The following B4GALNT2 variants were observed in gnomAD, a reference collection of about 807,000 sequenced individuals.
B4GALNT2 encodes N-acetylneuraminylgalactosylglucosyl-glucoside beta-1,4-N- acetylgalactosaminyltransferase 2.
In B4GALNT2, 42 loss-of-function variants were observed where a neutral mutation model predicts 51.1. The ratio of observed to expected loss-of-function variants is 0.82; its 90% CI spans 0.64 to 1.06. The LOEUF (loss-of-function observed/expected upper bound fraction) is 1.06, where lower values mean the gene tolerates loss of function less well. Ranked by LOEUF, B4GALNT2 falls within the 50% of genes least tolerant of loss-of-function variation. B4GALNT2 has a pLI of 0.00. For missense variants in B4GALNT2, 602 were observed against 633.6 expected (o/e 0.95, Z 0.54); for synonymous variants, 253 against 251.7 (o/e 1.01, Z -0.05).
At chr17:49,124,292 T>C in the B4GALNT2 span, among the ~76,000 whole-genome samples, 1 of 152,194 alleles carries the variant, frequency 6.6e-6, no homozygotes. Context: ...TATTCTGATG[T>C]CACAATCTCC....
intron 5 of B4GALNT2, among the ~76,000 whole-genome samples, chr17:49,157,421 A>G (rs1015488683): frequency 1.4e-5 from 2 of 147,418 alleles, no homozygotes; most frequent in African/African-American, 2.5e-5. Context: ...CCCGAGTTCA[A>G]TCGAGTCTCC....
the B4GALNT2 span, among the ~76,000 whole-genome samples, chr17:49,125,309 G>A: frequency 8.5e-5 from 13 of 152,168 alleles, no homozygotes; most frequent in East Asian, 1.7e-3. Flanking sequence ...ACAGGCGAGC[G>A]CCACCATTCC....
chr17:49,153,273 G>A (rs145711960), intron 4 of B4GALNT2, among the ~76,000 whole-genome samples: 130 of 152,194 alleles, frequency 8.5e-4, no homozygotes, highest in Non-Finnish European at 1.4e-3. Context: ...AAATTAGCTG[G>A]ATGTGGCGGT....
Position 49,171,052 on chromosome 17 carries a change from G to A in B4GALNT2, c.*1324G>A, listed in dbSNP as rs7220799. On this transcript the variant is annotated 3_prime_UTR_variant, in exon 11 of 11. Transcript: ENST00000393354. Reference sequence around the variant, plus strand: ...TGATAAACCCACAACCTTCAGTTTGGGCATCATGGCCATCATGAACATGTC... The same window carrying A: ...TGATAAACCCACAACCTTCAGTTTGAGCATCATGGCCATCATGAACATGTC... 2,131 of 162,362 alleles carry A rather than the reference G, an allele frequency of 0.013. 83 individuals carry two copies. Among genetic ancestry groups the A allele is most frequent in the African/African-American group, 0.049 (2,028 of 41,568 alleles). 10.1% of individuals were successfully genotyped at this position (162,362 alleles called of 1,614,324 possible). A position where few individuals can be genotyped will look rare whatever the true frequency, so the allele number is the denominator to read the frequency against.
Position 49,146,588 on chromosome 17 carries a change from G to C in B4GALNT2, c.353+4416G>C, listed in dbSNP as rs1279900732. Among the ~76,000 whole-genome samples the C allele has an allele frequency of 2.0e-5, 3 of 152,218 alleles. No homozygotes were observed. The East Asian group carries it at 5.8e-4, about 29-fold the overall frequency. ...GGCCTCCCAAAGTGCTGGGATTACA[G>C]GCGTGAGCCACCATGCCTGGCCCAA... On this transcript the variant is annotated intron_variant, in intron 3 of 10. Coordinates refer to ENST00000393354, the MANE Select transcript of B4GALNT2 (RefSeq NM_001159387.2).
intron 1 of B4GALNT2, among the ~76,000 whole-genome samples, chr17:49,135,122 G>A (rs1382032202): frequency 6.6e-6 from 1 of 151,308 alleles, no homozygotes; most frequent in Non-Finnish European, 1.5e-5. Context: ...TAGTTTAAAT[G>A]TATTTATTTT....
the B4GALNT2 span, among the ~76,000 whole-genome samples, chr17:49,126,132 A>C: frequency 2.0e-5 from 3 of 152,072 alleles, no homozygotes; most frequent in Admixed American, 6.6e-5. Flanking sequence ...GACATGGGAA[A>C]CTTTTCATTT....
chr17:49,158,193 G>A lies in B4GALNT2; in HGVS notation c.499-844G>A, dbSNP rs2042828051. On this transcript the variant is annotated intron_variant, in intron 5 of 10. Transcript: ENST00000393354. ...GGAGGTGCCATCCACAAGGCAGAGG[G>A]AATGGAGGTGAGGGTGGGAGGAAAC... is the stretch of plus-strand genomic sequence containing the variant. Among the ~76,000 whole-genome samples, 4 of 152,276 alleles carry A rather than the reference G, an allele frequency of 2.6e-5. No homozygotes were observed. In the South Asian group the frequency reaches 8.3e-4, roughly 32 times the overall value.
chr17:49,124,861 C>T, the B4GALNT2 span, among the ~76,000 whole-genome samples: 2 of 152,102 alleles, frequency 1.3e-5, no homozygotes, highest in African/African-American at 4.8e-5. Context: ...TATTTTAATG[C>T]TCAATTTACA....
At chr17:49,157,457 A>G (rs1268419748) in intron 5 of B4GALNT2, among the ~76,000 whole-genome samples, 1 of 152,042 alleles carries the variant, frequency 6.6e-6, no homozygotes, top group Non-Finnish European at 1.5e-5. Flanking sequence ...AGTAGCTGGG[A>G]CTACAGGCAT....
chr17:49,152,783 T>G lies in B4GALNT2; in HGVS notation c.354-17T>G. On this transcript the variant is annotated splice_polypyrimidine_tract_variant and intron_variant, in intron 3 of 10. Coordinates refer to ENST00000393354, the MANE Select transcript of B4GALNT2 (RefSeq NM_001159387.2). Reference sequence around the variant, plus strand: ...GCATCAGGGCAGCTGCTGACGTTTCTGTTCTCCTTCCTGCAGAGAAGGGCT... The same window carrying G: ...GCATCAGGGCAGCTGCTGACGTTTCGGTTCTCCTTCCTGCAGAGAAGGGCT... The G allele has an allele frequency of 6.4e-7, 1 of 1,555,308 alleles. No homozygotes were observed. Among genetic ancestry groups the G allele is most frequent in the Non-Finnish European group, 8.7e-7 (1 of 1,145,006 alleles).
chr17:49,136,296 C>T (rs1310006454), intron 1 of B4GALNT2, among the ~76,000 whole-genome samples: 1 of 151,496 alleles, frequency 6.6e-6, no homozygotes, highest in Non-Finnish European at 1.5e-5. Flanking sequence ...AAAATTAATT[C>T]TTGATCATTA....
Position 49,156,586 on chromosome 17 carries a change from G to A in B4GALNT2, c.481G>A (p.Asp161Asn), listed in dbSNP as rs776879040. The A allele has an allele frequency of 1.1e-5, 17 of 1,613,530 alleles. No individual in the cohort carries two copies. In the South Asian group the frequency reaches 1.3e-4, roughly 13 times the overall value. Residue 161 changes from aspartate (D) to asparagine (N), a missense_variant, in exon 5 of 11, where the codon GAT becomes AAT. Coordinates refer to ENST00000393354, the MANE Select transcript of B4GALNT2 (RefSeq NM_001159387.2). ...PIPGLQFEGP[D>N]APVYEVTLTA... Reference sequence around the variant, plus strand: ...TCCAGGCCTCCAGTTTGAAGGACCCGATGCCCCCGTCTATGAGGTGAGTCC... The same window carrying A: ...TCCAGGCCTCCAGTTTGAAGGACCCAATGCCCCCGTCTATGAGGTGAGTCC...
At position 49,173,898 on chromosome 17, in the gene B4GALNT2, C is replaced by G. The variant is rs1414166198; in HGVS notation, c.*4170C>G. The G allele has an allele frequency of 6.6e-6, 1 of 152,168 alleles. No individual in the cohort carries two copies. Among genetic ancestry groups the G allele is most frequent in the East Asian group, 1.9e-4 (1 of 5,196 alleles). The allele number at this position is 152,168 out of a possible 1,614,324, so 9.4% of individuals were successfully genotyped here. On this transcript the variant is annotated 3_prime_UTR_variant, in exon 11 of 11. Coordinates refer to ENST00000393354, the MANE Select transcript of B4GALNT2 (RefSeq NM_001159387.2). ...GGACTTGCTTTTTGATGAGCTGCAG[C>G]TCTGCATCAGCTTCTTTTGTTAATT...
At chr17:49,154,072 C>T (rs911748209) in intron 4 of B4GALNT2, among the ~76,000 whole-genome samples, 9 of 151,530 alleles carry the variant, frequency 5.9e-5, no homozygotes, top group Admixed American at 4.6e-4. Flanking sequence ...GGCATGATCT[C>T]GGCTCACTGC....
In B4GALNT2 at chr17:49,146,995, T is replaced by C. The variant is rs189993645; in HGVS notation, c.353+4823T>C. Among the ~76,000 whole-genome samples, 16 of 152,352 alleles carry C rather than the reference T, an allele frequency of 1.1e-4. No individual in the cohort carries two copies. The East Asian group carries it at 3.1e-3, about 29-fold the overall frequency. On this transcript the variant is annotated intron_variant, in intron 3 of 10. Transcript: ENST00000393354. Reference sequence around the variant, plus strand: ...AAGCTATATAAATCTCTGGAGTATATACAGGAGATGTTTCTTAATTTACAT... The same window carrying C: ...AAGCTATATAAATCTCTGGAGTATACACAGGAGATGTTTCTTAATTTACAT...
At chr17:49,169,027 C>G (rs532015555) in intron 10 of B4GALNT2, 127 bp downstream of exon 10, 2 of 905,662 alleles carry the variant, frequency 2.2e-6, no homozygotes, top group Non-Finnish European at 3.3e-6. Context: ...CATCCCTTTC[C>G]CCTTTCCCCT....
rs2042944155 is a variant in B4GALNT2 at position 49,169,665 on chromosome 17, C to T, written c.1458C>T (p.Leu486=). 1 of 1,608,564 alleles carries T rather than the reference C, an allele frequency of 6.2e-7. No homozygotes were observed. Among genetic ancestry groups the T allele is most frequent in the Non-Finnish European group, 8.5e-7 (1 of 1,176,352 alleles). ...KTYNTYRSNT[L]TRVQFKLALH... ...ACAATACATACCGGTCCAACACCCT[C>T]ACCCGGGTCCAGTTCAAGCTGGCCC... The change falls in exon 11 of 11, where the codon CTC becomes CTT. Residue 486 remains leucine (L), a synonymous_variant. Transcript: ENST00000393354.
Position 49,169,839 on chromosome 17 carries a change from T to A in B4GALNT2, c.*111T>A. ...ACGTTGTACCAAACCAGCTGGTGGGTAGGGAAAAGGGAAATGGCTCAGTTA... is the reference window on the plus strand; with the variant it reads ...ACGTTGTACCAAACCAGCTGGTGGGAAGGGAAAAGGGAAATGGCTCAGTTA... On this transcript the variant is annotated 3_prime_UTR_variant, in exon 11 of 11. Coordinates refer to ENST00000393354, the MANE Select transcript of B4GALNT2 (RefSeq NM_001159387.2). The A allele has an allele frequency of 9.1e-7, 1 of 1,094,728 alleles. No homozygotes were observed. Among genetic ancestry groups the A allele is most frequent in the South Asian group, 1.9e-5 (1 of 51,592 alleles). 67.8% of individuals were successfully genotyped at this position (1,094,728 alleles called of 1,614,324 possible). A position where few individuals can be genotyped will look rare whatever the true frequency, so the allele number is the denominator to read the frequency against.
Sources: allele counts gnomAD v4.1 joint callset (sites outside exome capture counted in the v4.1 genomes callset), GRCh38; gene constraint gnomAD v4.1.1; transcripts MANE v1.5; gene names NCBI Gene and HGNC (gene_info 2026-07-23, HGNC 2026-07-21).